Variants in IL17RB observed in about 807,000 individuals in gnomAD.
The protein encoded by IL17RB is interleukin 17 receptor B, also known as interleukin-17 receptor B.
In IL17RB, 36 loss-of-function variants were observed where a neutral mutation model predicts 43.9. The observed-to-expected ratio is 0.82, with a 90% CI of 0.63 to 1.08. The LOEUF (loss-of-function observed/expected upper bound fraction) is 1.08, where lower values mean the gene tolerates loss of function less well. Ranked by LOEUF, IL17RB falls within the 50% of genes least tolerant of loss-of-function variation. IL17RB has a pLI of 0.00. For missense variants in IL17RB, 613 were observed against 613.6 expected (o/e 1.00, Z 0.01); for synonymous variants, 225 against 225.4 (o/e 1.00, Z 0.02).
At chr3:53,863,334 A>G (rs1343348955) in intron 10 of IL17RB, among the ~76,000 whole-genome samples, 1 of 152,210 alleles carries the variant, frequency 6.6e-6, no homozygotes, top group East Asian at 1.9e-4. Flanking sequence ...TGCTAACTTC[A>G]AAACATGGAG....
Position 53,864,913 on chromosome 3 carries a change from A to T in IL17RB, c.1114A>T (p.Lys372Ter). The T allele has an allele frequency of 6.2e-7, 1 of 1,614,256 alleles. No homozygotes were observed. The highest frequency in any genetic ancestry group is 1.7e-5 in the Admixed American group (1 of 60,036). Residue 372 changes from lysine (K) to a stop codon, truncating the protein, a stop_gained, in exon 11 of 11, where the codon AAA (lysine) becomes TAA (stop). Coordinates refer to ENST00000288167, the MANE Select transcript of IL17RB (RefSeq NM_018725.4). LOFTEE classifies it low-confidence loss of function (END_TRUNC). ...CATCCTTGAAAAGTGGCAGAAAAAGAAAATAGCAGAGATGGGTCCAGTGCA... is the reference window on the plus strand; with the variant it reads ...CATCCTTGAAAAGTGGCAGAAAAAGTAAATAGCAGAGATGGGTCCAGTGCA... ...EVILEKWQKK[K>*]IAEMGPVQWL...
intron 6 of IL17RB, among the ~76,000 whole-genome samples, chr3:53,856,057 C>A (rs569832047): frequency 2.0e-5 from 3 of 152,320 alleles, no homozygotes; most frequent in South Asian, 4.1e-4. Flanking sequence ...AGACAGCCGT[C>A]CATGCTGTCC....
intron 1 of IL17RB, among the ~76,000 whole-genome samples, chr3:53,847,790 G>T (rs1455093703): frequency 8.1e-6 from 1 of 122,766 alleles, no homozygotes; most frequent in Non-Finnish European, 1.9e-5. Context: ...GTGAGACTCT[G>T]TCTCAGAAAA....
In IL17RB at chr3:53,849,682, A is replaced by G. The variant is rs1699061998; in HGVS notation, c.113A>G (p.His38Arg). 2 of 1,612,458 alleles carry G rather than the reference A, an allele frequency of 1.2e-6. No homozygotes were observed. Among genetic ancestry groups the G allele is most frequent in the East Asian group, 2.2e-5 (1 of 44,802 alleles). ...CCATCTCCAGAGTGGATGCTACAAC[A>G]TGATCTAATCCCCGGAGACTTGAGG... ...TGPSPEWMLQ[H>R]DLIPGDLRDL... The change falls in exon 3 of 11, where the codon CAT (histidine) becomes CGT (arginine). Residue 38 changes from histidine (H) to arginine (R), a missense_variant. By Grantham distance (29) the His-to-Arg change is conservative (BLOSUM62 0). Transcript: ENST00000288167.
chr3:53,847,803 G>GAA (rs11427758), intron 1 of IL17RB, among the ~76,000 whole-genome samples: 3 of 151,182 alleles, frequency 2.0e-5, no homozygotes, highest in South Asian at 4.2e-4. Context: ...TCAGAAAAAG[G>GAA]AAAAAAAAAT....
chr3:53,852,154 T>G (rs779406348), intron 4 of IL17RB, 28 bp downstream of exon 4: 1 of 1,607,398 alleles, frequency 6.2e-7, no homozygotes, highest in Admixed American at 1.7e-5. Context: ...TTTTGTTTTG[T>G]TTTTTGAGAT....
intron 7 of IL17RB, 70 bp downstream of exon 7, chr3:53,857,056 C>T (rs574445190): frequency 6.6e-7 from 1 of 1,519,168 alleles, no homozygotes; most frequent in African/African-American, 1.4e-5. Flanking sequence ...AAAATGGGGA[C>T]AGTGTTGTCC....
intron 2 of IL17RB, 62 bp downstream of exon 2, chr3:53,848,750 G>A: frequency 1.3e-6 from 2 of 1,561,516 alleles, no homozygotes; most frequent in South Asian, 2.2e-5. Context: ...GGACTTTTAG[G>A]AAGCCTAATA....
In IL17RB at chr3:53,849,694, C is replaced by A; in HGVS notation, c.125C>A (p.Pro42His). The stretch of plus-strand genomic sequence containing the variant: ...TGGATGCTACAACATGATCTAATCC[C>A]CGGAGACTTGAGGGACCTCCGAGTA... ...PEWMLQHDLIPGDLRDLRVEP... is the reference protein window; with the variant it reads ...PEWMLQHDLIHGDLRDLRVEP... Residue 42 changes from proline (P) to histidine (H), a missense_variant, in exon 3 of 11, where the codon CCC becomes CAC. Physicochemically the swap from Pro to His is moderately conservative, Grantham distance 77. Coordinates refer to ENST00000288167, the MANE Select transcript of IL17RB (RefSeq NM_018725.4). The A allele has an allele frequency of 6.2e-7, 1 of 1,612,660 alleles. No individual in the cohort carries two copies. Among genetic ancestry groups the A allele is most frequent in the Non-Finnish European group, 8.5e-7 (1 of 1,179,376 alleles).
At chr3:53,857,081 A>AGCAC in intron 7 of IL17RB, 95 bp downstream of exon 7, 1 of 1,295,952 alleles carries the variant, frequency 7.7e-7, no homozygotes, top group Non-Finnish European at 1.1e-6. Context: ...GTGCTGGGCT[A>AGCAC]CTTTGATGAA....
intron 10 of IL17RB, chr3:53,860,954 A>G (rs908593867): frequency 6.6e-6 from 1 of 152,210 alleles, no homozygotes; most frequent in Non-Finnish European, 1.5e-5. Flanking sequence ...ACGTGAGCAT[A>G]AAGATGTGGT....
rs762876532 is a variant in IL17RB, at chr3:53,865,256, T to C, written c.1457T>C (p.Val486Ala). ...GAACTTCTCCATGTCAAGCAGCAGG[T>C]GTCAGCAGGAAAAAGATCACAAGCC... ...CAELLHVKQQ[V>A]SAGKRSQACH... The change falls in exon 11 of 11, where the codon GTG (valine) becomes GCG (alanine). Residue 486 changes from valine to alanine, a missense_variant. By Grantham distance (64) the Val-to-Ala change is moderately conservative. Transcript: ENST00000288167. 2.4e-5 allele frequency: 39 copies of C among 1,611,932 alleles called. No individual in the cohort carries two copies. The highest frequency in any genetic ancestry group is 3.0e-5 in the Non-Finnish European group (35 of 1,180,016).
chr3:53,849,564 G>T, intron 2 of IL17RB, 91 bp from the exon 3 acceptor site: 2 of 1,154,094 alleles, frequency 1.7e-6, no homozygotes, highest in Non-Finnish European at 1.2e-6. Flanking sequence ...TGTGAATGGG[G>T]GAAGGTTTGG....
intron 2 of IL17RB, among the ~76,000 whole-genome samples, chr3:53,849,371 T>C (rs1030016909): frequency 6.6e-6 from 1 of 152,152 alleles, no homozygotes; most frequent in Non-Finnish European, 1.5e-5. Context: ...CATTTGGCCT[T>C]AGCAGGAAGA....
intron 4 of IL17RB, 105 bp from the exon 5 acceptor site, chr3:53,852,766 A>T: frequency 9.1e-7 from 1 of 1,093,714 alleles, no homozygotes; most frequent in Non-Finnish European, 1.3e-6. Flanking sequence ...CTAAGTTTTC[A>T]CAGAGTGAGT....
Position 53,865,396 on chromosome 3 carries a change from G to A in IL17RB, c.*88G>A. 2 of 1,035,072 alleles carry A rather than the reference G, an allele frequency of 1.9e-6. No individual in the cohort carries two copies. Among genetic ancestry groups the A allele is most frequent in the South Asian group, 1.7e-5 (1 of 59,724 alleles). 64.1% of individuals were successfully genotyped at this position (1,035,072 alleles called of 1,614,324 possible). A position where few individuals can be genotyped will look rare whatever the true frequency, so the allele number is the denominator to read the frequency against. The stretch of plus-strand genomic sequence containing the variant: ...GTGTGATGATCCTGAAGCTTACTAT[G>A]CAGCCTACAAACAGCCTTAGTAATT... On this transcript the variant is annotated 3_prime_UTR_variant, in exon 11 of 11. Coordinates refer to ENST00000288167, the MANE Select transcript of IL17RB (RefSeq NM_018725.4).
intron 5 of IL17RB, among the ~76,000 whole-genome samples, chr3:53,854,097 A>G (rs998089591): frequency 5.9e-5 from 9 of 152,034 alleles, no homozygotes; most frequent in African/African-American, 1.4e-4. Flanking sequence ...GGGTTTCACT[A>G]TGATGGCTAG....
intron 1 of IL17RB, among the ~76,000 whole-genome samples, chr3:53,848,384 C>T (rs1699014401): frequency 6.6e-6 from 1 of 152,228 alleles, no homozygotes; most frequent in Non-Finnish European, 1.5e-5. Flanking sequence ...GGAAGGATGA[C>T]ATCCAGAGAC....
At chr3:53,864,264 C>T (rs1051816968) in intron 10 of IL17RB, among the ~76,000 whole-genome samples, 1 of 152,138 alleles carries the variant, frequency 6.6e-6, no homozygotes, top group South Asian at 2.1e-4. Flanking sequence ...AGGCAGGGTG[C>T]GGTGGCTCAC....
Sources: allele counts gnomAD v4.1 joint callset (sites outside exome capture counted in the v4.1 genomes callset), GRCh38; gene constraint gnomAD v4.1.1; transcripts MANE v1.5; gene names NCBI Gene and HGNC (gene_info 2026-07-23, HGNC 2026-07-21).